ANKRD6: variants seen among roughly 807,000 people sequenced by gnomAD.
The protein encoded by ANKRD6 is ankyrin repeat domain-containing protein 6.
A neutral mutation model predicts 82.3 loss-of-function variants in ANKRD6; 56 were observed. The ratio of observed to expected loss-of-function variants is 0.68; its 90% CI spans 0.55 to 0.85. The LOEUF is 0.85. Ranked by LOEUF, ANKRD6 falls within the 40% of genes least tolerant of loss-of-function variation. The pLI, the probability that ANKRD6 is intolerant of heterozygous loss-of-function variation, is 0.00. For missense variants in ANKRD6, 852 were observed against 907.6 expected (o/e 0.94, Z 0.79); for synonymous variants, 347 against 352.1 (o/e 0.99, Z 0.16).
At position 89,444,708 on chromosome 6, in the gene ANKRD6, C is replaced by G. The variant is rs190411543; in HGVS notation, c.-144+11333C>G. On this transcript the variant is annotated intron_variant, in intron 1 of 15. Transcript: ENST00000339746. ...AAGGGCTGGGCGCGGTGGCTCACGC[C>G]TGTAATCCCAGCACTTTGGGAGGTT... Among the ~76,000 whole-genome samples, 130 of 152,296 alleles carry G rather than the reference C, an allele frequency of 8.5e-4. No individual in the cohort carries two copies. The East Asian group carries it at 0.016, about 19-fold the overall frequency.
chr6:89,597,319 C>T (rs955988679), intron 3 of ANKRD6, among the ~76,000 whole-genome samples: 1 of 152,160 alleles, frequency 6.6e-6, no homozygotes, highest in Non-Finnish European at 1.5e-5. Flanking sequence ...TATATCATAT[C>T]CTTAGATGAC....
rs190353895 is a variant in ANKRD6, at chr6:89,629,245, C to A, written c.1612+7C>A. On this transcript the variant is annotated splice_region_variant and intron_variant, in intron 15 of 15. Transcript: ENST00000339746. ...ACTTGTGAGTCCTCTACAGGTAACC[C>A]ACACACAGAGAGCCCTTTTGTCCAA... 367 of 1,613,744 alleles carry A rather than the reference C, an allele frequency of 2.3e-4. 3 individuals carry two copies. In the African/African-American group the frequency reaches 4.5e-3, roughly 20 times the overall value.
At chr6:89,577,441 T>C (rs1430032326) in intron 2 of ANKRD6, among the ~76,000 whole-genome samples, 1 of 152,240 alleles carries the variant, frequency 6.6e-6, no homozygotes, top group African/African-American at 2.4e-5. Context: ...TCCCTTGTGC[T>C]TTAGTCAAAT....
At position 89,586,803 on chromosome 6, in the gene ANKRD6, AC is replaced by A. The variant is rs1211130377; in HGVS notation, c.121-9110del. Among the ~76,000 whole-genome samples the A allele has an allele frequency of 5.3e-5, 8 of 152,298 alleles. No individual in the cohort carries two copies. In the East Asian group the frequency reaches 1.4e-3, roughly 26 times the overall value. ...TGTAGAAGCTGATGGAATTCTTAATACCCAGTTAAGTTGCCTGAAATATTTT... is the reference window on the plus strand; with the variant it reads ...TGTAGAAGCTGATGGAATTCTTAATACCAGTTAAGTTGCCTGAAATATTTT... On this transcript the variant is annotated intron_variant, in intron 2 of 15. Coordinates refer to ENST00000339746, the MANE Select transcript of ANKRD6 (RefSeq NM_001242809.2).
At chr6:89,510,491 T>C (rs1780401586) in intron 1 of ANKRD6, among the ~76,000 whole-genome samples, 6 of 152,180 alleles carry the variant, frequency 3.9e-5, no homozygotes, top group Admixed American at 3.9e-4. Flanking sequence ...TGGAAAGTTC[T>C]GTTTTTTGGT....
chr6:89,520,370 C>T (rs1043983599), intron 1 of ANKRD6, among the ~76,000 whole-genome samples: 1 of 152,232 alleles, frequency 6.6e-6, no homozygotes, highest in African/African-American at 2.4e-5. Flanking sequence ...GCAGTTACCT[C>T]CATGGATGTC....
At chr6:89,546,586 C>G (rs1785124046) in intron 1 of ANKRD6, among the ~76,000 whole-genome samples, 1 of 152,164 alleles carries the variant, frequency 6.6e-6, no homozygotes, top group African/African-American at 2.4e-5. Flanking sequence ...GCCTCAGCCT[C>G]TCGAGTAGCT....
At chr6:89,607,045 C>T (rs1431165297) in intron 5 of ANKRD6, among the ~76,000 whole-genome samples, 1 of 152,054 alleles carries the variant, frequency 6.6e-6, no homozygotes, top group Admixed American at 6.6e-5. Flanking sequence ...GTGGTGCATG[C>T]CGTCATCCCA....
At chr6:89,498,881 T>A (rs1265875068) in intron 1 of ANKRD6, among the ~76,000 whole-genome samples, 1 of 152,220 alleles carries the variant, frequency 6.6e-6, no homozygotes, top group African/African-American at 2.4e-5. Flanking sequence ...CTTTGCAGAA[T>A]GTGAGCACAA....
intron 1 of ANKRD6, among the ~76,000 whole-genome samples, chr6:89,468,001 T>C (rs990086901): frequency 1.1e-4 from 17 of 152,200 alleles, no homozygotes; most frequent in Non-Finnish European, 2.2e-4. Context: ...CCTGAGGCAG[T>C]GTGCCTCTCA....
chr6:89,455,984 C>T (rs1419613935), intron 1 of ANKRD6, among the ~76,000 whole-genome samples: 2 of 152,124 alleles, frequency 1.3e-5, no homozygotes, highest in Non-Finnish European at 2.9e-5. Context: ...AGCGATTCTC[C>T]TGCTTCAGCC....
chr6:89,608,368 C>CACACACACACACACACACTATATA lies in ANKRD6; in HGVS notation c.417+2263_417+2264insACACACACACACACACACTATATA. 2.0e-3 allele frequency among the ~76,000 whole-genome samples: 267 copies of CACACACACACACACACACTATATA among 130,760 alleles called. 1 individual carries two copies. The highest frequency in any genetic ancestry group is 7.9e-3 in the African/African-American group (258 of 32,768). 85.8% of individuals were successfully genotyped at this position (130,760 alleles called of 152,430 possible). On this transcript the variant is annotated intron_variant, in intron 5 of 15. Transcript: ENST00000339746. ...ACCCTCCCTAATACACACACACACA[C>CACACACACACACACACACTATATA]TATATATATATATATATGTACAATT...
chr6:89,460,675 A>G (rs1774018514), intron 1 of ANKRD6, among the ~76,000 whole-genome samples: 1 of 151,996 alleles, frequency 6.6e-6, no homozygotes, highest in African/African-American at 2.4e-5. Flanking sequence ...ACCCCAGGCA[A>G]TCCGGCTGTC....
At chr6:89,440,228 G>A (rs1771194525) in intron 1 of ANKRD6, among the ~76,000 whole-genome samples, 1 of 152,156 alleles carries the variant, frequency 6.6e-6, no homozygotes. Flanking sequence ...TTAGAACTCT[G>A]GCTTATATAG....
chr6:89,543,469 T>C (rs908484900), intron 1 of ANKRD6, among the ~76,000 whole-genome samples: 4 of 152,186 alleles, frequency 2.6e-5, no homozygotes, highest in African/African-American at 9.6e-5. Context: ...GCCCCCACTC[T>C]AACGAGAGAA....
chr6:89,600,464 A>G (rs1392578476), intron 3 of ANKRD6, among the ~76,000 whole-genome samples: 1 of 152,188 alleles, frequency 6.6e-6, no homozygotes, highest in African/African-American at 2.4e-5. Context: ...CAGAGTGATA[A>G]GCTTTGTCCT....
chr6:89,475,904 A>G (rs1017167330), intron 1 of ANKRD6, among the ~76,000 whole-genome samples: 1 of 152,156 alleles, frequency 6.6e-6, no homozygotes, highest in Non-Finnish European at 1.5e-5. Context: ...AGCCTGACAA[A>G]CCTCAAGTTT....
At chr6:89,566,601 A>G (rs1231263337) in intron 1 of ANKRD6, among the ~76,000 whole-genome samples, 1 of 152,236 alleles carries the variant, frequency 6.6e-6, no homozygotes. Context: ...CCTCCGGAGG[A>G]TGTCCCTGAT....
chr6:89,506,138 G>A (rs1779822005), intron 1 of ANKRD6, among the ~76,000 whole-genome samples: 1 of 152,164 alleles, frequency 6.6e-6, no homozygotes, highest in Non-Finnish European at 1.5e-5. Flanking sequence ...GATCCAATGT[G>A]CAGCATGGTG....
Sources: allele counts gnomAD v4.1 joint callset (sites outside exome capture counted in the v4.1 genomes callset), GRCh38; gene constraint gnomAD v4.1.1; transcripts MANE v1.5; gene names NCBI Gene and HGNC (gene_info 2026-07-23, HGNC 2026-07-21).